Variants in SLC25A14 observed in about 807,000 individuals in gnomAD.
SLC25A14 encodes the protein solute carrier family 25 member 14, also known as brain mitochondrial carrier protein 1.
Under a neutral mutation model 28.1 loss-of-function variants are expected in SLC25A14, and 8 were observed. The ratio of observed to expected loss-of-function variants is 0.28; its 90% CI spans 0.17 to 0.51. The LOEUF (loss-of-function observed/expected upper bound fraction) is 0.51, where lower values mean the gene tolerates loss of function less well. Among genes scored for constraint, SLC25A14 ranks in the 20% least tolerant of loss-of-function variants. The probability of loss-of-function intolerance (pLI) is 0.97; values close to 1 mark genes in which losing one functional copy is unlikely to be tolerated. For missense variants in SLC25A14, 135 were observed against 263.8 expected, an observed-to-expected ratio of 0.51 and a Z score of 3.38; for synonymous variants, 74 against 90.6, an observed-to-expected ratio of 0.82 and a Z score of 1.04.
intron 7 of SLC25A14, among the ~76,000 whole-genome samples, chrX:130,362,669 T>C (rs1468986569): frequency 8.9e-6 from 1 of 112,411 alleles, no homozygotes; most frequent in African/African-American, 3.2e-5. Flanking sequence ...TTTTATGCCT[T>C]GCTTTATTTA....
At chrX:130,361,398 C>T (rs2033959330) in intron 7 of SLC25A14, among the ~76,000 whole-genome samples, 1 of 112,312 alleles carries the variant, frequency 8.9e-6, no homozygotes, top group Non-Finnish European at 1.9e-5. Context: ...GATCTAGGCA[C>T]CTAACATAAA....
intron 7 of SLC25A14, among the ~76,000 whole-genome samples, chrX:130,359,960 A>T (rs1367688472): frequency 9.0e-6 from 1 of 111,604 alleles, no homozygotes; most frequent in African/African-American, 3.2e-5. Context: ...TAATACCATT[A>T]TCATATCTAA....
intron 9 of SLC25A14, among the ~76,000 whole-genome samples, chrX:130,366,970 A>G (rs760618565): frequency 8.9e-6 from 1 of 112,548 alleles, no homozygotes; most frequent in South Asian, 3.7e-4. Context: ...GCCTGGAGCC[A>G]TGGTTCTTCA....
intron 4 of SLC25A14, 142 bp from the exon 5 acceptor site, chrX:130,349,109 C>A: frequency 1.5e-5 from 4 of 260,709 alleles, no homozygotes; most frequent in Non-Finnish European, 2.1e-5. Flanking sequence ...CAGTTTCTTG[C>A]TGAGTGTTTC....
intron 5 of SLC25A14, among the ~76,000 whole-genome samples, chrX:130,350,335 C>T (rs890685398): frequency 9.0e-6 from 1 of 111,153 alleles, no homozygotes; most frequent in African/African-American, 3.3e-5. Flanking sequence ...TTGAAAAGGT[C>T]GAAGGGGAAA....
intron 2 of SLC25A14, among the ~76,000 whole-genome samples, chrX:130,344,565 G>A (rs891675479): frequency 2.7e-5 from 3 of 111,609 alleles, no homozygotes; most frequent in Non-Finnish European, 5.7e-5. Flanking sequence ...ATGGATGTAC[G>A]TTAAATGTCA....
intron 7 of SLC25A14, among the ~76,000 whole-genome samples, chrX:130,364,338 G>A (rs890583761): frequency 9.0e-6 from 1 of 111,071 alleles, no homozygotes; most frequent in Non-Finnish European, 1.9e-5. Context: ...CTTTCTGAGT[G>A]GTGTCTTTTG....
intron 6 of SLC25A14, among the ~76,000 whole-genome samples, chrX:130,354,393 G>T (rs1437782498): frequency 8.9e-6 from 1 of 112,151 alleles, no homozygotes; most frequent in Non-Finnish European, 1.9e-5. Flanking sequence ...GATTACAGGC[G>T]TGAGCCACCG....
chrX:130,346,514 A>G (rs759445938), intron 3 of SLC25A14, 30 bp from the exon 4 acceptor site: 8 of 1,159,524 alleles, frequency 6.9e-6, no homozygotes, highest in Non-Finnish European at 9.4e-6. Flanking sequence ...TTCTTTGGAC[A>G]TACTTATAAA....
intron 6 of SLC25A14, among the ~76,000 whole-genome samples, chrX:130,358,401 T>C (rs1295969707): frequency 3.6e-5 from 4 of 112,020 alleles, no homozygotes; most frequent in African/African-American, 1.3e-4. Context: ...ATAATAGACT[T>C]AGTGTGAGGA....
At chrX:130,368,748 T>C (rs1241068421) in intron 9 of SLC25A14, among the ~76,000 whole-genome samples, 1 of 112,081 alleles carries the variant, frequency 8.9e-6, no homozygotes, top group Non-Finnish European at 1.9e-5. Flanking sequence ...AAACTTAGGT[T>C]CAGAGTAGCT....
chrX:130,354,188 A>G (rs2033712462), intron 6 of SLC25A14, among the ~76,000 whole-genome samples: 1 of 106,085 alleles, frequency 9.4e-6, no homozygotes, highest in Admixed American at 1.0e-4. Flanking sequence ...ATCTCGGCTC[A>G]CTGCAAGCTC....
intron 7 of SLC25A14, 134 bp from the exon 8 acceptor site, chrX:130,364,494 G>T: frequency 2.8e-6 from 1 of 358,633 alleles, no homozygotes; most frequent in Non-Finnish European, 4.9e-6. Flanking sequence ...ATTAGTCATT[G>T]ATTTGAAAGA....
Position 130,373,052 on chromosome X carries a change from C to A in SLC25A14, c.*102C>A. 1.6e-6 allele frequency: 1 copy of A among 626,825 alleles called. No individual in the cohort carries two copies. Among genetic ancestry groups the A allele is most frequent in the Non-Finnish European group, 2.5e-6 (1 of 396,043 alleles). 51.7% of individuals were successfully genotyped at this position (626,825 alleles called of 1,213,427 possible). On this transcript the variant is annotated 3_prime_UTR_variant, in exon 11 of 11. Coordinates refer to ENST00000545805, the MANE Select transcript of SLC25A14 (RefSeq NM_001282195.2). ...GACAATGTTGTAAGTGTTTACCAAG[C>A]CGTTGGTCTCCTAAGGGCCTCCTGA...
At chrX:130,354,049 T>C (rs749281951) in intron 6 of SLC25A14, among the ~76,000 whole-genome samples, 2 of 111,091 alleles carry the variant, frequency 1.8e-5, no homozygotes, top group Non-Finnish European at 1.9e-5. Context: ...GTTCCATCTT[T>C]AGCTCTTTTC....
intron 5 of SLC25A14, 132 bp downstream of exon 5, chrX:130,349,477 A>T: frequency 2.6e-6 from 1 of 389,431 alleles, no homozygotes; most frequent in Non-Finnish European, 4.6e-6. Flanking sequence ...GCTTGTTCTA[A>T]CTTGGAATAA....
At chrX:130,340,708 A>G (rs1392848816) in intron 2 of SLC25A14, among the ~76,000 whole-genome samples, 1 of 111,074 alleles carries the variant, frequency 9.0e-6, no homozygotes, top group Non-Finnish European at 1.9e-5. Context: ...GCCAACAAGC[A>G]TCTTTGTCTG....
At chrX:130,363,700 C>A in intron 7 of SLC25A14, among the ~76,000 whole-genome samples, 1 of 111,788 alleles carries the variant, frequency 8.9e-6, no homozygotes, top group South Asian at 3.8e-4. Flanking sequence ...CACATCCTCA[C>A]CAACACTTGC....
chrX:130,352,725 T>C (rs1019215121), intron 6 of SLC25A14, among the ~76,000 whole-genome samples: 1 of 112,508 alleles, frequency 8.9e-6, no homozygotes, highest in African/African-American at 3.2e-5. Flanking sequence ...TTTTGAGAAG[T>C]GTCCGTTCAT....
Sources: allele counts gnomAD v4.1 joint callset (sites outside exome capture counted in the v4.1 genomes callset), GRCh38; gene constraint gnomAD v4.1.1; transcripts MANE v1.5; gene names NCBI Gene and HGNC (gene_info 2026-07-23, HGNC 2026-07-21).